PIK3CB: variants seen among roughly 807,000 people sequenced by gnomAD.
The protein encoded by PIK3CB is phosphatidylinositol 4,5-bisphosphate 3-kinase catalytic subunit beta isoform.
A neutral mutation model predicts 136.8 loss-of-function variants in PIK3CB; 39 were observed. The observed-to-expected ratio is 0.29, with a 90% CI of 0.22 to 0.37. PIK3CB has a LOEUF of 0.37. Among genes scored for constraint, PIK3CB ranks in the 10% least tolerant of loss-of-function variants. PIK3CB has a pLI of 1.00. For synonymous variants in PIK3CB, 428 were observed against 436.6 expected (o/e 0.98, Z 0.25); for missense variants, 868 against 1,275.4 (o/e 0.68, Z 4.87).
chr3:138,684,836 T>C (rs1388169569), intron 16 of PIK3CB, 33 bp from the exon 17 acceptor site: 3 of 1,520,826 alleles, frequency 2.0e-6, no homozygotes, highest in Non-Finnish European at 2.7e-6. Context: ...CAAAAATTCA[T>C]TTGACTAAAA....
intron 4 of PIK3CB, among the ~76,000 whole-genome samples, chr3:138,743,512 T>C (rs2045285677): frequency 6.6e-6 from 1 of 152,230 alleles, no homozygotes; most frequent in South Asian, 2.1e-4. Context: ...ACATGGTGGA[T>C]GGGGCACCAA....
At chr3:138,741,949 T>A (rs1329459417) in intron 5 of PIK3CB, among the ~76,000 whole-genome samples, 1 of 152,194 alleles carries the variant, frequency 6.6e-6, no homozygotes, top group African/African-American at 2.4e-5. Context: ...GCTATGAACA[T>A]TCAGAAATGG....
intron 4 of PIK3CB, among the ~76,000 whole-genome samples, chr3:138,752,239 C>A (rs920203656): frequency 3.9e-5 from 6 of 152,044 alleles, no homozygotes; most frequent in African/African-American, 1.4e-4. Context: ...AAAAGATTAG[C>A]CACATCATCT....
chr3:138,686,031 G>A (rs1277772416), intron 16 of PIK3CB, among the ~76,000 whole-genome samples: 1 of 152,086 alleles, frequency 6.6e-6, no homozygotes, highest in Admixed American at 6.6e-5. Flanking sequence ...CAGCTACTCA[G>A]GAGGCTGAGG....
intron 1 of PIK3CB, among the ~76,000 whole-genome samples, chr3:138,805,218 A>G (rs940003186): frequency 3.3e-5 from 5 of 150,318 alleles, no homozygotes; most frequent in African/African-American, 9.8e-5. Context: ...CCGTAATCTC[A>G]GCTACTCAGG....
At chr3:138,674,719 C>T (rs2043608389) in intron 19 of PIK3CB, among the ~76,000 whole-genome samples, 1 of 152,114 alleles carries the variant, frequency 6.6e-6, no homozygotes, top group African/African-American at 2.4e-5. Context: ...ATTTAAAAAT[C>T]CCTATTTTAA....
In PIK3CB at chr3:138,814,262, G is replaced by A. The variant is rs116960233; in HGVS notation, c.-121-17695C>T. 5.6e-4 allele frequency among the ~76,000 whole-genome samples: 85 copies of A among 152,204 alleles called. 1 individual carries two copies. The East Asian group carries it at 6.8e-3, about 12-fold the overall frequency. ...GGAGGCCCAGGCGGGAGGATCACTT[G>A]AAATCAGGAGCTTGAGACCACTTTG... On this transcript the variant is annotated intron_variant, in intron 1 of 23. Coordinates refer to ENST00000674063, the MANE Select transcript of PIK3CB (RefSeq NM_006219.3).
At chr3:138,815,957 A>G (rs1933308489) in intron 1 of PIK3CB, among the ~76,000 whole-genome samples, 1 of 152,198 alleles carries the variant, frequency 6.6e-6, no homozygotes, top group Non-Finnish European at 1.5e-5. Context: ...TTTCACTCAC[A>G]CACACACACT....
At chr3:138,786,881 C>T (rs2045986921) in intron 2 of PIK3CB, among the ~76,000 whole-genome samples, 1 of 152,140 alleles carries the variant, frequency 6.6e-6, no homozygotes, top group Admixed American at 6.5e-5. Context: ...GCAAAGAAAA[C>T]AGTTTTGAAA....
intron 9 of PIK3CB, among the ~76,000 whole-genome samples, chr3:138,713,342 G>A (rs2044543100): frequency 6.7e-6 from 1 of 149,862 alleles, no homozygotes; most frequent in South Asian, 2.2e-4. Context: ...ACTATATGAT[G>A]ATAACCAGAG....
Position 138,789,154 on chromosome 3 carries a change from C to T in PIK3CB, c.-17+7309G>A, listed in dbSNP as rs375702530. Among the ~76,000 whole-genome samples, 197 of 152,018 alleles carry T rather than the reference C, an allele frequency of 1.3e-3. 4 individuals carry two copies. The East Asian group carries it at 0.029, about 22-fold the overall frequency. Reference sequence around the variant, plus strand: ...CAAAAAATTAAAGCATATGGCAGGGCGTGATGGCTCACGCCTGTAATCCCA... The same window carrying T: ...CAAAAAATTAAAGCATATGGCAGGGTGTGATGGCTCACGCCTGTAATCCCA... On this transcript the variant is annotated intron_variant, in intron 2 of 23. Coordinates refer to ENST00000674063, the MANE Select transcript of PIK3CB (RefSeq NM_006219.3).
At chr3:138,795,428 C>T (rs905446723) in intron 2 of PIK3CB, among the ~76,000 whole-genome samples, 2 of 151,328 alleles carry the variant, frequency 1.3e-5, no homozygotes, top group African/African-American at 2.4e-5. Context: ...GTCAGCAGTT[C>T]GAGACCAGCC....
chr3:138,806,052 C>T (rs928518217), intron 1 of PIK3CB, among the ~76,000 whole-genome samples: 7 of 151,804 alleles, frequency 4.6e-5, no homozygotes, highest in Non-Finnish European at 1.0e-4. Flanking sequence ...TTAAAGGATT[C>T]TTCCCCTTAC....
chr3:138,776,315 C>T (rs945915850), intron 2 of PIK3CB, among the ~76,000 whole-genome samples: 2 of 152,164 alleles, frequency 1.3e-5, no homozygotes, highest in African/African-American at 2.4e-5. Flanking sequence ...CCAACCCATA[C>T]CTTTTTCTTC....
chr3:138,743,952 T>C (rs1248820360), intron 4 of PIK3CB, among the ~76,000 whole-genome samples: 1 of 152,200 alleles, frequency 6.6e-6, no homozygotes, highest in Non-Finnish European at 1.5e-5. Context: ...TTAACACTTA[T>C]TTTGTATGTT....
intron 19 of PIK3CB, among the ~76,000 whole-genome samples, chr3:138,672,929 A>AAAG (rs2043566422): frequency 7.0e-6 from 1 of 143,136 alleles, no homozygotes; most frequent in Admixed American, 7.0e-5. Flanking sequence ...AAAAAAAAAA[A>AAAG]AGAGAGAGAG....
At chr3:138,806,943 C>T (rs2046240870) in intron 1 of PIK3CB, among the ~76,000 whole-genome samples, 1 of 152,206 alleles carries the variant, frequency 6.6e-6, no homozygotes, top group South Asian at 2.1e-4. Context: ...AAGCATTCCA[C>T]AGCTCCTATA....
At chr3:138,814,475 C>CAA (rs371449651) in intron 1 of PIK3CB, among the ~76,000 whole-genome samples, 10 of 88,090 alleles carry the variant, frequency 1.1e-4, no homozygotes, top group Non-Finnish European at 1.4e-4. Context: ...GAGACCATCT[C>CAA]AAAAAAAAAA....
intron 1 of PIK3CB, chr3:138,826,458 A>C: frequency 1.5e-6 from 1 of 661,024 alleles, no homozygotes; most frequent in Non-Finnish European, 2.5e-6. Flanking sequence ...TGCACTGTAA[A>C]CCCCTCAGAA....
Sources: allele counts gnomAD v4.1 joint callset (sites outside exome capture counted in the v4.1 genomes callset), GRCh38; gene constraint gnomAD v4.1.1; transcripts MANE v1.5; gene names NCBI Gene and HGNC (gene_info 2026-07-23, HGNC 2026-07-21).